Variants in SETBP1 observed in about 807,000 individuals in gnomAD.
SETBP1 encodes the protein SET-binding protein.
SETBP1 carries 9 observed loss-of-function variants against 101.0 expected under a neutral mutation model. The observed-to-expected ratio is 0.09, with a 90% CI of 0.05 to 0.16. SETBP1 has a LOEUF of 0.16. Ranked by LOEUF, SETBP1 falls within the 10% of genes least tolerant of loss-of-function variation. The pLI is 1.00. For missense variants in SETBP1, 1,858 were observed against 2,033.8 expected, an observed-to-expected ratio of 0.91 and a Z score of 1.66; for synonymous variants, 818 against 788.5, an observed-to-expected ratio of 1.04 and a Z score of -0.63.
chr18:44,788,200 G>C (rs565997713), intron 2 of SETBP1, among the ~76,000 whole-genome samples: 410 of 152,164 alleles, frequency 2.7e-3, no homozygotes, highest in Admixed American at 6.1e-3. Flanking sequence ...AAGAAATGGT[G>C]CCACTTCTCT....
rs145284354 is a variant in SETBP1 at position 44,701,183 on chromosome 18, C to G, written c.-164C>G. 993 of 630,186 alleles carry G rather than the reference C, an allele frequency of 1.6e-3. 3 individuals carry two copies. The highest frequency in any genetic ancestry group is 0.012 in the Middle Eastern group (27 of 2,272). The allele number at this position is 630,186 out of a possible 1,614,324, so 39.0% of individuals were successfully genotyped here. On this transcript the variant is annotated 5_prime_UTR_variant, in exon 2 of 6. The change creates a new upstream start codon in the 5' untranslated region. Coordinates refer to ENST00000649279, the MANE Select transcript of SETBP1 (RefSeq NM_015559.3). ...GTCTCTTTGCTTCTCAGTTGCAGAT[C>G]TGATCTCTTCTGAACACCTCATCGT...
At chr18:45,027,326 C>G (rs1318016860) in intron 4 of SETBP1, among the ~76,000 whole-genome samples, 1 of 152,144 alleles carries the variant, frequency 6.6e-6, no homozygotes, top group African/African-American at 2.4e-5. Flanking sequence ...GTGATTTATT[C>G]TGACCAGAAG....
At chr18:45,021,854 A>G (rs1027990193) in intron 4 of SETBP1, among the ~76,000 whole-genome samples, 3 of 152,132 alleles carry the variant, frequency 2.0e-5, no homozygotes, top group African/African-American at 7.2e-5. Context: ...AGCAAAAAAC[A>G]TAACTTATTC....
At chr18:44,781,507 C>G (rs11876680) in intron 2 of SETBP1, among the ~76,000 whole-genome samples, 2 of 148,896 alleles carry the variant, frequency 1.3e-5, no homozygotes, top group South Asian at 4.4e-4. Context: ...CTCTCCCCCC[C>G]ACCCCCACCT....
At chr18:44,769,168 A>C (rs2070822699) in intron 2 of SETBP1, among the ~76,000 whole-genome samples, 1 of 152,220 alleles carries the variant, frequency 6.6e-6, no homozygotes, top group Non-Finnish European at 1.5e-5. Context: ...CAATGAATTC[A>C]AGGGTCCCAG....
intron 2 of SETBP1, among the ~76,000 whole-genome samples, chr18:44,743,686 C>T (rs549347836): frequency 6.6e-6 from 1 of 152,294 alleles, no homozygotes; most frequent in South Asian, 2.1e-4. Context: ...GGAAGACTAG[C>T]CCCCATTTAA....
chr18:45,016,977 T>C (rs558659640), intron 4 of SETBP1, among the ~76,000 whole-genome samples: 17 of 152,244 alleles, frequency 1.1e-4, no homozygotes, highest in African/African-American at 3.9e-4. Flanking sequence ...TCCCCCTCCA[T>C]TGGAATTGCT....
In SETBP1 at chr18:44,829,809, G is replaced by C. The variant is rs79113289; in HGVS notation, c.487-39421G>C. 6.6e-3 allele frequency among the ~76,000 whole-genome samples: 999 copies of C among 152,286 alleles called. 11 individuals are homozygous for C. The highest frequency in any genetic ancestry group is 0.023 in the African/African-American group (937 of 41,544). Reference sequence around the variant, plus strand: ...CTTATAAAATTTGGCCATGCTCAAGGCCAGATTGTTGTCAAAGTATATTTT... The same window carrying C: ...CTTATAAAATTTGGCCATGCTCAAGCCCAGATTGTTGTCAAAGTATATTTT... On this transcript the variant is annotated intron_variant, in intron 2 of 5. Coordinates refer to ENST00000649279, the MANE Select transcript of SETBP1 (RefSeq NM_015559.3).
chr18:44,729,606 A>G (rs1467330753), intron 2 of SETBP1, among the ~76,000 whole-genome samples: 2 of 152,250 alleles, frequency 1.3e-5, no homozygotes, highest in Non-Finnish European at 2.9e-5. Flanking sequence ...AAAGGGGCCT[A>G]TGGGGACACC....
chr18:45,006,446 G>A (rs1300944881), intron 4 of SETBP1, among the ~76,000 whole-genome samples: 1 of 152,196 alleles, frequency 6.6e-6, no homozygotes, highest in Non-Finnish European at 1.5e-5. Context: ...TTGTCTCACA[G>A]TTCTGGAGGC....
chr18:44,749,622 C>A (rs1455033233), intron 2 of SETBP1, among the ~76,000 whole-genome samples: 1 of 152,122 alleles, frequency 6.6e-6, no homozygotes, highest in East Asian at 1.9e-4. Flanking sequence ...ACATGTGGGT[C>A]CTTTTTTAAA....
chr18:44,717,902 G>T (rs1289037176), intron 2 of SETBP1, among the ~76,000 whole-genome samples: 1 of 150,500 alleles, frequency 6.6e-6, no homozygotes, highest in Non-Finnish European at 1.5e-5. Context: ...GACTTAAAAT[G>T]CATATATGCA....
chr18:44,734,541 C>T (rs2069920112), intron 2 of SETBP1, among the ~76,000 whole-genome samples: 2 of 152,334 alleles, frequency 1.3e-5, no homozygotes, highest in Admixed American at 6.5e-5. Context: ...CAGTTTCTGA[C>T]TTCCGTGAAT....
At chr18:45,036,160 C>T (rs1297705425) in intron 4 of SETBP1, among the ~76,000 whole-genome samples, 4 of 151,920 alleles carry the variant, frequency 2.6e-5, no homozygotes, top group Admixed American at 6.6e-5. Flanking sequence ...GGTGAAACCC[C>T]GTCTGTACTA....
chr18:45,000,647 G>A (rs868479805), intron 4 of SETBP1, among the ~76,000 whole-genome samples: 13 of 152,192 alleles, frequency 8.5e-5, no homozygotes, highest in African/African-American at 2.7e-4. Flanking sequence ...AAATTCCATA[G>A]CTTTTCAGCT....
At chr18:44,791,828 A>G (rs1421038088) in intron 2 of SETBP1, among the ~76,000 whole-genome samples, 2 of 152,164 alleles carry the variant, frequency 1.3e-5, no homozygotes, top group African/African-American at 2.4e-5. Context: ...CAAGTCTTGA[A>G]AAGCACAGAG....
intron 4 of SETBP1, among the ~76,000 whole-genome samples, chr18:44,956,706 A>T (rs2071490379): frequency 6.6e-6 from 1 of 152,234 alleles, no homozygotes; most frequent in Non-Finnish European, 1.5e-5. Flanking sequence ...GCTCCCTGAG[A>T]TCAGAGCTGA....
chr18:45,043,296 G>T (rs933365841), intron 5 of SETBP1, among the ~76,000 whole-genome samples: 5 of 151,964 alleles, frequency 3.3e-5, no homozygotes, highest in African/African-American at 1.2e-4. Flanking sequence ...AATCTGTATG[G>T]TTTTGCACTT....
chr18:44,861,983 G>C (rs569713560), intron 2 of SETBP1, among the ~76,000 whole-genome samples: 2 of 152,270 alleles, frequency 1.3e-5, no homozygotes, highest in South Asian at 4.1e-4. Context: ...CAGGGCATTT[G>C]GAGGTCTCGT....
Sources: gnomAD v4.1 joint callset for allele counts (sites outside exome capture counted in the v4.1 genomes callset) on GRCh38, gnomAD v4.1.1 for gene constraint, MANE v1.5 for transcripts, NCBI Gene and HGNC (gene_info 2026-07-23, HGNC 2026-07-21) for gene names.